Variants in KIF19 observed in about 807,000 individuals in gnomAD.
The protein encoded by KIF19 is kinesin-like protein KIF19.
A neutral mutation model predicts 106.6 loss-of-function variants in KIF19; 98 were observed. The observed-to-expected ratio is 0.92, with a 90% CI of 0.78 to 1.09. The LOEUF (loss-of-function observed/expected upper bound fraction) is 1.09. Ranked by LOEUF, KIF19 falls within the 50% of genes least tolerant of loss-of-function variation. The probability of loss-of-function intolerance (pLI) is 0.00; values close to 1 mark genes in which losing one functional copy is unlikely to be tolerated. For missense variants in KIF19, 1,373 were observed against 1,414.3 expected (o/e 0.97, Z 0.47); for synonymous variants, 516 against 584.2 (o/e 0.88, Z 1.68).
intron 2 of KIF19, among the ~76,000 whole-genome samples, chr17:74,333,903 C>T (rs2054158374): frequency 6.9e-6 from 1 of 144,286 alleles, no homozygotes; most frequent in Non-Finnish European, 1.5e-5. Context: ...TTGTCACTGC[C>T]ACCTTGAATT....
intron 12 of KIF19, among the ~76,000 whole-genome samples, chr17:74,351,515 T>C (rs900781955): frequency 2.6e-5 from 4 of 151,802 alleles, no homozygotes; most frequent in Admixed American, 2.6e-4. Context: ...TAATAATAAT[T>C]AGGGTTTTCC....
rs1225050783 is a variant in KIF19 at position 74,346,688 on chromosome 17, TA to T, written c.924+168del. Among the ~76,000 whole-genome samples, 1 of 152,246 alleles carries T rather than the reference TA, an allele frequency of 6.6e-6. No individual in the cohort carries two copies. The highest frequency in any genetic ancestry group is 1.9e-4 in the East Asian group (1 of 5,208). Reference sequence around the variant, plus strand: ...TGAAATATTTGGGATATTCTTATGCTAAAACAAAGTAATTGCATATCTGAAA... The same window carrying T: ...TGAAATATTTGGGATATTCTTATGCTAAACAAAGTAATTGCATATCTGAAA... On this transcript the variant is annotated intron_variant, in intron 8 of 19. Transcript: ENST00000389916. The surrounding 1 kb of genome is among the most constrained non-coding windows in gnomAD (Gnocchi z 4.6).
chr17:74,353,093 G>A, intron 15 of KIF19, 103 bp from the exon 16 acceptor site: 1 of 1,396,686 alleles, frequency 7.2e-7, no homozygotes, highest in South Asian at 1.2e-5. Flanking sequence ...GGACTCCTGG[G>A]TTCTCTCTCC....
Position 74,350,742 on chromosome 17 carries a change from G to T in KIF19, c.1424G>T (p.Trp475Leu), listed in dbSNP as rs1360520861. ...KHEKSRRALK[W>L]REEQRKECYA... Reference sequence around the variant, plus strand: ...GAGAAGTCCCGCCGGGCCCTCAAATGGCGGGAGGAGCAGCGAAAGGAGTGC... The same window carrying T: ...GAGAAGTCCCGCCGGGCCCTCAAATTGCGGGAGGAGCAGCGAAAGGAGTGC... Residue 475 changes from tryptophan to leucine, a missense_variant, in exon 12 of 20, where the codon TGG becomes TTG. Coordinates refer to ENST00000389916, the MANE Select transcript of KIF19 (RefSeq NM_153209.4). 8.1e-6 allele frequency: 13 copies of T among 1,613,838 alleles called. No homozygotes were observed. The highest frequency in any genetic ancestry group is 1.1e-5 in the Non-Finnish European group (13 of 1,179,912).
rs780075657 is a variant in KIF19 at position 74,344,211 on chromosome 17, C to G, written c.457-12C>G. On this transcript the variant is annotated splice_polypyrimidine_tract_variant and intron_variant, in intron 5 of 19. Coordinates refer to ENST00000389916, the MANE Select transcript of KIF19 (RefSeq NM_153209.4). ...CTCCCTTCCCCCACCCCTCCCCCAC[C>G]TGTCCCGTCAGATCTACAATGAGAT... 7 of 1,609,314 alleles carry G rather than the reference C, an allele frequency of 4.3e-6. No homozygotes were observed. Among genetic ancestry groups the G allele is most frequent in the Non-Finnish European group, 5.1e-6 (6 of 1,178,142 alleles).
At chr17:74,343,385 A>G (rs1183922993) in intron 5 of KIF19, among the ~76,000 whole-genome samples, 1 of 152,044 alleles carries the variant, frequency 6.6e-6, no homozygotes, top group Admixed American at 6.5e-5. Flanking sequence ...CTTCAAGGCC[A>G]AGCTCCGCCC....
At chr17:74,337,511 T>C (rs571564574) in intron 2 of KIF19, among the ~76,000 whole-genome samples, 2 of 152,184 alleles carry the variant, frequency 1.3e-5, no homozygotes, top group African/African-American at 2.4e-5. Flanking sequence ...TGATCTGAGC[T>C]GAGAACCAGT....
intron 16 of KIF19, 93 bp downstream of exon 16, chr17:74,353,394 C>G (rs944565197): frequency 1.4e-6 from 2 of 1,445,956 alleles, no homozygotes. Context: ...GACCCTTTCC[C>G]AAACGGCACC....
At chr17:74,340,550 C>CGT (rs1567905523) in intron 2 of KIF19, among the ~76,000 whole-genome samples, 6 of 134,382 alleles carry the variant, frequency 4.5e-5, no homozygotes, top group Non-Finnish European at 6.4e-5. Context: ...CAGGTATGCG[C>CGT]GCGCGTACAC....
intron 2 of KIF19, among the ~76,000 whole-genome samples, chr17:74,338,775 G>A (rs1029875793): frequency 1.3e-5 from 2 of 151,886 alleles, no homozygotes; most frequent in East Asian, 1.9e-4. Context: ...TTCTAAATCC[G>A]CAAGCTCGAT....
rs771120550 is a variant in KIF19, at chr17:74,346,443, C to A, written c.843C>A (p.Gly281=). 7 of 1,566,276 alleles carry A rather than the reference C, an allele frequency of 4.5e-6. No homozygotes were observed. In the South Asian group the frequency reaches 8.2e-5, roughly 18 times the overall value. ...AHINRSLLAL[G]NCINALSDKG... ...TCAACCGCTCACTGCTGGCACTGGG[C>A]AACTGCATCAACGCCCTGAGCGACA... The change falls in exon 8 of 20, where the codon GGC becomes GGA. Residue 281 remains glycine, a synonymous_variant. Coordinates refer to ENST00000389916, the MANE Select transcript of KIF19 (RefSeq NM_153209.4). The surrounding 1 kb of genome is among the most constrained non-coding windows in gnomAD (Gnocchi z 4.6).
intron 6 of KIF19, among the ~76,000 whole-genome samples, 176 bp downstream of exon 6, chr17:74,344,524 C>T (rs529141791): frequency 1.3e-5 from 2 of 152,354 alleles, no homozygotes; most frequent in Admixed American, 6.5e-5. Context: ...GCCCCCACCA[C>T]GCTGACCCTG....
At chr17:74,350,323 G>C (rs2054661493) in intron 10 of KIF19, 78 bp from the exon 11 acceptor site, 5 of 1,364,402 alleles carry the variant, frequency 3.7e-6, no homozygotes, top group Non-Finnish European at 5.0e-6. Context: ...AAAAGGAGGG[G>C]AGGGGCCCAG....
Position 74,347,769 on chromosome 17 carries a change from C to G in KIF19, c.925-8C>G, listed in dbSNP as rs1380611500. The stretch of plus-strand genomic sequence containing the variant: ...AGTCCCCACTGACCACAGCCACCTC[C>G]CATCCAGGACTCTCTGGGAGGAAAC... On this transcript the variant is annotated splice_region_variant and splice_polypyrimidine_tract_variant and intron_variant, in intron 8 of 19. Transcript: ENST00000389916. 1 of 1,588,032 alleles carries G rather than the reference C, an allele frequency of 6.3e-7. No individual in the cohort carries two copies. The highest frequency in any genetic ancestry group is 1.8e-5 in the Admixed American group (1 of 56,850).
Position 74,353,177 on chromosome 17 carries a change from C to T in KIF19, c.2115-19C>T, listed in dbSNP as rs1176343456. 1.9e-6 allele frequency: 3 copies of T among 1,564,532 alleles called. No individual in the cohort carries two copies. In the Admixed American group the frequency reaches 5.6e-5, roughly 29 times the overall value. ...GATAGCCTGGTCTACAGCCACTCAT[C>T]TTCCTCTGCCAACTTCAGTGAAGGC... On this transcript the variant is annotated intron_variant, in intron 15 of 19. Coordinates refer to ENST00000389916, the MANE Select transcript of KIF19 (RefSeq NM_153209.4).
At chr17:74,329,510 TGAA>T (rs2054015519) in intron 2 of KIF19, 1 of 142,078 alleles carries the variant, frequency 7.0e-6, no homozygotes, top group Admixed American at 6.9e-5. Flanking sequence ...ACATAAGGGG[TGAA>T]GAAGAGGTCA....
intron 15 of KIF19, 96 bp downstream of exon 15, chr17:74,353,050 T>C: frequency 6.6e-7 from 1 of 1,506,940 alleles, no homozygotes; most frequent in East Asian, 2.3e-5. Flanking sequence ...AGAGCAGCAA[T>C]GAGAGGGAGC....
intron 1 of KIF19, among the ~76,000 whole-genome samples, chr17:74,326,732 C>T (rs1426912238): frequency 6.6e-6 from 1 of 152,102 alleles, no homozygotes; most frequent in Non-Finnish European, 1.5e-5. Context: ...CCTAACTGCC[C>T]CCAGAAGGAG....
rs748110827 is a variant in KIF19 at position 74,352,010 on chromosome 17, C to T, written c.1731C>T (p.Thr577=). ...TGCACGAGCTCGAGGTGGAGAACAC[C>T]GAGATGCAGTCGCACGCGCTGCTCC... ...CRVHELEVEN[T]EMQSHALLRD... The change falls in exon 13 of 20, where the codon ACC becomes ACT. Residue 577 remains threonine (T), a synonymous_variant. Coordinates refer to ENST00000389916, the MANE Select transcript of KIF19 (RefSeq NM_153209.4). The T allele has an allele frequency of 6.4e-6, 10 of 1,554,176 alleles. No individual in the cohort carries two copies. Among genetic ancestry groups the T allele is most frequent in the Admixed American group, 5.6e-5 (3 of 53,250 alleles).
Sources: gnomAD v4.1 joint callset for allele counts (sites outside exome capture counted in the v4.1 genomes callset) on GRCh38, gnomAD v4.1.1 for gene constraint, Gnocchi (gnomAD v3.1) non-coding constraint, MANE v1.5 for transcripts, NCBI Gene and HGNC (gene_info 2026-07-23, HGNC 2026-07-21) for gene names.